PDK1: variants seen among roughly 807,000 people sequenced by gnomAD.
The protein encoded by PDK1 is pyruvate dehydrogenase kinase 1, also known as [Pyruvate dehydrogenase (acetyl-transferring)] kinase isozyme 1, mitochondrial.
A neutral mutation model predicts 54.2 loss-of-function variants in PDK1; 39 were observed. The ratio of observed to expected loss-of-function variants is 0.72; its 90% CI spans 0.56 to 0.94. The LOEUF is 0.94. Ranked by LOEUF, PDK1 falls within the 40% of genes least tolerant of loss-of-function variation. The pLI, the probability that PDK1 is intolerant of heterozygous loss-of-function variation, is 0.00. For synonymous variants in PDK1, 221 were observed against 207.1 expected (o/e 1.07, Z -0.58); for missense variants, 552 against 566.0 (o/e 0.98, Z 0.25).
At chr2:172,638,169 A>G in the PDK1 span, among the ~76,000 whole-genome samples, 1 of 152,204 alleles carries the variant, frequency 6.6e-6, no homozygotes, top group African/African-American at 2.4e-5. Flanking sequence ...CAAGAAAGAA[A>G]CACCATGGAC....
chr2:172,565,946 C>G (rs1163004318), intron 5 of PDK1, among the ~76,000 whole-genome samples: 1 of 152,168 alleles, frequency 6.6e-6, no homozygotes, highest in Admixed American at 6.5e-5. Context: ...ACCACCAATA[C>G]CAGCAGTACT....
intron 1 of PDK1, among the ~76,000 whole-genome samples, chr2:172,557,309 T>C (rs1030404162): frequency 2.6e-5 from 4 of 152,234 alleles, no homozygotes; most frequent in African/African-American, 9.6e-5. Flanking sequence ...ATTTCTACTG[T>C]TGACAATCTA....
the PDK1 span, among the ~76,000 whole-genome samples, chr2:172,650,861 G>A: frequency 1.3e-4 from 20 of 152,160 alleles, no homozygotes; most frequent in Non-Finnish European, 2.8e-4. Context: ...AAGAGACTTA[G>A]ACTCCCACAC....
At chr2:172,707,068 G>A in the PDK1 span, among the ~76,000 whole-genome samples, 1 of 152,224 alleles carries the variant, frequency 6.6e-6, no homozygotes, top group Non-Finnish European at 1.5e-5. Flanking sequence ...CACTGGGCAC[G>A]GGCAGAAGTT....
In PDK1 at chr2:172,606,729, CTTT is replaced by C. The variant is rs35803874; in HGVS notation, c.*10768_*10770del. The C allele has an allele frequency of 9.8e-4, 139 of 142,042 alleles. 1 individual carries two copies. The highest frequency in any genetic ancestry group is 3.3e-3 in the African/African-American group (128 of 38,832). 8.8% of individuals were successfully genotyped at this position (142,042 alleles called of 1,614,324 possible). On this transcript the variant is annotated 3_prime_UTR_variant, in exon 11 of 11. Transcript: ENST00000282077. ...ATGGTGGTAGTTTATTTTTTCTTTCCTTTTTTTTTTAAAAAAAAAAAAAAACCT... is the reference window on the plus strand; with the variant it reads ...ATGGTGGTAGTTTATTTTTTCTTTCCTTTTTTTAAAAAAAAAAAAAAACCT...
the PDK1 span, among the ~76,000 whole-genome samples, chr2:172,651,008 C>A: frequency 1.3e-5 from 2 of 152,166 alleles, no homozygotes; most frequent in East Asian, 3.8e-4. Context: ...ACTCTCCACC[C>A]CAAATCAACA....
At chr2:172,686,607 C>G in the PDK1 span, among the ~76,000 whole-genome samples, 2 of 152,190 alleles carry the variant, frequency 1.3e-5, no homozygotes, top group Non-Finnish European at 2.9e-5. Flanking sequence ...CAGCAACCTG[C>G]TTGGGCCACT....
intron 9 of PDK1, among the ~76,000 whole-genome samples, chr2:172,586,933 T>A (rs1690262028): frequency 6.6e-6 from 1 of 152,188 alleles, no homozygotes; most frequent in Non-Finnish European, 1.5e-5. Context: ...ATTGACTCCA[T>A]CCTTATCTTT....
chr2:172,589,275 T>C (rs1690436950), intron 9 of PDK1, among the ~76,000 whole-genome samples: 1 of 152,166 alleles, frequency 6.6e-6, no homozygotes. Context: ...ACTCAAATTA[T>C]GAAAGAAGGC....
the PDK1 span, among the ~76,000 whole-genome samples, chr2:172,651,314 C>T: frequency 6.6e-6 from 1 of 152,180 alleles, no homozygotes; most frequent in East Asian, 1.9e-4. Context: ...CTCTGGGACA[C>T]ATTTAAAGCA....
At chr2:172,654,744 G>A in the PDK1 span, among the ~76,000 whole-genome samples, 2 of 152,054 alleles carry the variant, frequency 1.3e-5, no homozygotes, top group Non-Finnish European at 2.9e-5. Flanking sequence ...ATGTACCCTA[G>A]AACTTAAAGT....
the PDK1 span, among the ~76,000 whole-genome samples, chr2:172,670,643 T>G: frequency 6.6e-6 from 1 of 152,186 alleles, no homozygotes; most frequent in Non-Finnish European, 1.5e-5. Context: ...ATTAAAAAAA[T>G]TAAGGTTTTC....
intron 1 of PDK1, chr2:172,556,642 A>T: frequency 3.4e-6 from 1 of 293,802 alleles, no homozygotes; most frequent in Non-Finnish European, 6.3e-6. Flanking sequence ...GCGCTAGGCC[A>T]GGCCCCTTCC....
At chr2:172,616,661 A>C in the PDK1 span, among the ~76,000 whole-genome samples, 1 of 152,334 alleles carries the variant, frequency 6.6e-6, no homozygotes, top group East Asian at 1.9e-4. Context: ...AGAGGTTCAT[A>C]TTATGCTACA....
chr2:172,621,775 G>A, the PDK1 span, among the ~76,000 whole-genome samples: 1 of 146,750 alleles, frequency 6.8e-6, no homozygotes, highest in African/African-American at 2.5e-5. Flanking sequence ...TGTCATATAT[G>A]TTTATATCTC....
the PDK1 span, among the ~76,000 whole-genome samples, chr2:172,719,813 T>C: frequency 6.6e-6 from 1 of 152,222 alleles, no homozygotes; most frequent in Non-Finnish European, 1.5e-5. Context: ...CTAATGGTTA[T>C]TTCAAATGGC....
chr2:172,570,849 T>G (rs1689209286), intron 8 of PDK1, 25 bp downstream of exon 8: 1 of 1,367,058 alleles, frequency 7.3e-7, no homozygotes, highest in African/African-American at 1.5e-5. Context: ...TGGTTTGTTT[T>G]CTTTTTTTTT....
the PDK1 span, among the ~76,000 whole-genome samples, chr2:172,686,113 A>G: frequency 2.0e-5 from 3 of 152,218 alleles, no homozygotes; most frequent in Non-Finnish European, 2.9e-5. Flanking sequence ...ACAGAGTCTA[A>G]GTAGGCCAAA....
At chr2:172,683,116 G>A in the PDK1 span, among the ~76,000 whole-genome samples, 1 of 152,074 alleles carries the variant, frequency 6.6e-6, no homozygotes, top group African/African-American at 2.4e-5. Context: ...GGAGGCCGAG[G>A]CGGGCGGATC....
Sources: allele counts gnomAD v4.1 joint callset (sites outside exome capture counted in the v4.1 genomes callset), GRCh38; gene constraint gnomAD v4.1.1; transcripts MANE v1.5; gene names NCBI Gene and HGNC (gene_info 2026-07-23, HGNC 2026-07-21).